Variants in DMD observed in about 807,000 individuals in gnomAD.
The protein encoded by DMD is dystrophin.
DMD carries 63 observed loss-of-function variants against 330.1 expected under a neutral mutation model. The observed-to-expected ratio is 0.19, with a 90% CI of 0.16 to 0.24. The LOEUF is 0.24. Among genes scored for constraint, DMD ranks in the 10% least tolerant of loss-of-function variants. DMD has a pLI of 1.00. For synonymous variants in DMD, 1,223 were observed against 959.8 expected (o/e 1.27, Z -5.07); for missense variants, 3,344 against 2,684.1 (o/e 1.25, Z -5.43).
chrX:31,664,116 G>C (rs1283008781), intron 53 of DMD, among the ~76,000 whole-genome samples: 1 of 111,480 alleles, frequency 9.0e-6, no homozygotes, highest in African/African-American at 3.3e-5. Context: ...GATATTACTA[G>C]AAGTAACACA....
At chrX:31,997,939 G>C (rs1478412900) in intron 44 of DMD, among the ~76,000 whole-genome samples, 1 of 111,604 alleles carries the variant, frequency 9.0e-6, no homozygotes, top group East Asian at 2.8e-4. Flanking sequence ...TCTCCAAAGA[G>C]CTTAAAGCAC....
In DMD at chrX:32,346,127, C is replaced by G. The variant is rs745629765; in HGVS notation, c.5449-47G>C. 2.2e-5 allele frequency: 26 copies of G among 1,169,231 alleles called. 2 individuals carry two copies. In the Middle Eastern group the frequency reaches 1.4e-3, roughly 65 times the overall value. On this transcript the variant is annotated intron_variant, in intron 38 of 78. Transcript: ENST00000357033. ...AGTCTTCATTTTGGTTTTTAAAAAGCTGTACATTGTTAACAGAGATAATAA... is the reference window on the plus strand; with the variant it reads ...AGTCTTCATTTTGGTTTTTAAAAAGGTGTACATTGTTAACAGAGATAATAA...
intron 60 of DMD, among the ~76,000 whole-genome samples, chrX:31,414,010 CTTTAT>C (rs910840447): frequency 5.4e-5 from 6 of 111,040 alleles, no homozygotes; most frequent in African/African-American, 2.0e-4. Context: ...TTCTTTATTT[CTTTAT>C]TTTATTATTA....
intron 2 of DMD, among the ~76,000 whole-genome samples, chrX:32,887,745 C>CAA (rs771100080): frequency 0.017 from 111 of 6,485 alleles, 13 homozygotes; most frequent in East Asian, 0.021. Flanking sequence ...AAGACTGTCT[C>CAA]AAAAAAAAAA....
intron 21 of DMD, among the ~76,000 whole-genome samples, chrX:32,476,745 C>A (rs923889012): frequency 3.6e-5 from 4 of 111,392 alleles, no homozygotes; most frequent in Non-Finnish European, 7.6e-5. Flanking sequence ...AGCTAATGTA[C>A]CCAAGGGCAA....
intron 43 of DMD, among the ~76,000 whole-genome samples, chrX:32,230,447 T>G (rs1341392989): frequency 2.7e-5 from 3 of 111,323 alleles, no homozygotes; most frequent in African/African-American, 6.5e-5. Context: ...GGGTTTCACC[T>G]TGTTGGCCAG....
At chrX:32,897,364 A>C (rs2085818726) in intron 2 of DMD, among the ~76,000 whole-genome samples, 1 of 111,804 alleles carries the variant, frequency 8.9e-6, no homozygotes, top group Non-Finnish European at 1.9e-5. Context: ...GGAGTAGAGA[A>C]TGAAGAGGTG....
chrX:32,499,989 T>C (rs1053683863), intron 19 of DMD, among the ~76,000 whole-genome samples: 4 of 111,219 alleles, frequency 3.6e-5, no homozygotes, highest in Non-Finnish European at 7.6e-5. Flanking sequence ...AGAGCTATGG[T>C]CATTTTAAGT....
At chrX:31,320,387 A>G (rs191350114) in intron 62 of DMD, among the ~76,000 whole-genome samples, 1 of 112,445 alleles carries the variant, frequency 8.9e-6, no homozygotes, top group East Asian at 2.8e-4. Context: ...ATTGAAAAGA[A>G]AAAGTTACAA....
At chrX:31,372,894 C>G (rs2059670363) in intron 60 of DMD, among the ~76,000 whole-genome samples, 1 of 111,693 alleles carries the variant, frequency 9.0e-6, no homozygotes, top group African/African-American at 3.3e-5. Context: ...TCCCTGTTTG[C>G]AGATGACATG....
chrX:32,649,410 C>T (rs985367719), intron 9 of DMD, among the ~76,000 whole-genome samples: 4 of 108,333 alleles, frequency 3.7e-5, no homozygotes, highest in African/African-American at 1.4e-4. Flanking sequence ...AAAAATTAGC[C>T]GGGCGCGGTG....
chrX:31,761,630 G>A (rs2089599417), intron 51 of DMD, among the ~76,000 whole-genome samples: 1 of 111,924 alleles, frequency 8.9e-6, no homozygotes, highest in African/African-American at 3.2e-5. Context: ...CACGTATATT[G>A]ATGCTAACGG....
intron 13 of DMD, among the ~76,000 whole-genome samples, chrX:32,595,085 A>G (rs1297194698): frequency 8.9e-6 from 1 of 112,001 alleles, no homozygotes. Flanking sequence ...TGAAGACAAA[A>G]GAGGAGGCTG....
intron 11 of DMD, among the ~76,000 whole-genome samples, chrX:32,618,432 G>A (rs968375892): frequency 3.6e-5 from 4 of 111,478 alleles, no homozygotes; most frequent in Non-Finnish European, 5.7e-5. Context: ...AATACACCAC[G>A]TTCTCACTTA....
chrX:31,199,305 C>A (rs1420614218), intron 67 of DMD, among the ~76,000 whole-genome samples: 1 of 112,302 alleles, frequency 8.9e-6, no homozygotes, highest in African/African-American at 3.2e-5. Flanking sequence ...CTATCACTAC[C>A]AAAATGAGTC....
chrX:32,148,738 C>G (rs2096790414), intron 44 of DMD, among the ~76,000 whole-genome samples: 1 of 111,520 alleles, frequency 9.0e-6, no homozygotes, highest in Non-Finnish European at 1.9e-5. Context: ...TAACTAAGTA[C>G]AGTTTCTAGA....
At chrX:31,872,112 A>G (rs2093901119) in intron 48 of DMD, among the ~76,000 whole-genome samples, 1 of 106,870 alleles carries the variant, frequency 9.4e-6, no homozygotes, top group Non-Finnish European at 1.9e-5. Context: ...ACACAGCCAC[A>G]AGCAGAAGAA....
intron 66 of DMD, 33 bp downstream of exon 66, chrX:31,206,549 T>A (rs1391534663): frequency 8.8e-7 from 1 of 1,130,181 alleles, no homozygotes; most frequent in East Asian, 3.0e-5. Context: ...CCAACATTAA[T>A]AAAAGAATAC....
At chrX:31,921,347 C>T (rs2094687205) in intron 47 of DMD, among the ~76,000 whole-genome samples, 1 of 111,931 alleles carries the variant, frequency 8.9e-6, no homozygotes, top group Non-Finnish European at 1.9e-5. Flanking sequence ...AGCTGAAATG[C>T]TAGTTGGTCA....
Sources: allele counts gnomAD v4.1 joint callset (sites outside exome capture counted in the v4.1 genomes callset), GRCh38; gene constraint gnomAD v4.1.1; transcripts MANE v1.5; gene names NCBI Gene and HGNC (gene_info 2026-07-23, HGNC 2026-07-21).